The following FBN3 variants were observed in gnomAD, a reference collection of about 807,000 sequenced individuals.
FBN3 encodes the protein fibrillin-3.
FBN3 carries 234 observed loss-of-function variants against 330.1 expected under a neutral mutation model. That is an observed-to-expected ratio of 0.71 (90% confidence interval 0.64 to 0.79). The LOEUF is 0.79. Ranked by LOEUF, FBN3 falls within the 30% of genes least tolerant of loss-of-function variation. The pLI is 0.00. For synonymous variants in FBN3, 1,458 were observed against 1,517.3 expected (o/e 0.96, Z 0.91); for missense variants, 3,606 against 3,886.9 (o/e 0.93, Z 1.92).
At chr19:8,146,438 T>A (rs1410678522) in intron 3 of FBN3, among the ~76,000 whole-genome samples, 1 of 152,156 alleles carries the variant, frequency 6.6e-6, no homozygotes, top group Non-Finnish European at 1.5e-5. Context: ...GGCTGTGGGT[T>A]GGGGACTCTG....
chr19:8,135,936 G>GCCTCCCCC, intron 13 of FBN3, 25 bp downstream of exon 13: 1 of 668,778 alleles, frequency 1.5e-6, no homozygotes, highest in South Asian at 1.6e-5. Flanking sequence ...GGAAGCCCCT[G>GCCTCCCCC]CCCACCCGCC....
chr19:8,117,425 G>A, intron 27 of FBN3, 39 bp downstream of exon 27: 1 of 1,557,022 alleles, frequency 6.4e-7, no homozygotes, highest in African/African-American at 1.4e-5. Context: ...CTGGGACTGT[G>A]GTTGGTGCCC....
intron 48 of FBN3, among the ~76,000 whole-genome samples, chr19:8,090,720 G>T (rs1209974782): frequency 6.6e-6 from 1 of 151,910 alleles, no homozygotes; most frequent in Non-Finnish European, 1.5e-5. Flanking sequence ...CTGACCTCAG[G>T]TGATCAGCCT....
At chr19:8,089,519 G>GTCC (rs758699639) in intron 51 of FBN3, 26 bp downstream of exon 51, 2 of 1,613,530 alleles carry the variant, frequency 1.2e-6, no homozygotes. Flanking sequence ...GCCTGGGACA[G>GTCC]AGCTGGGGAA....
At chr19:8,076,402 G>C (rs1253863476) in intron 59 of FBN3, among the ~76,000 whole-genome samples, 2 of 152,044 alleles carry the variant, frequency 1.3e-5, no homozygotes, top group South Asian at 4.1e-4. Flanking sequence ...GGAGGCCTAG[G>C]GAGCCTCCGG....
At chr19:8,148,894 T>C (rs3813770) in intron 1 of FBN3, 63,970 of 152,278 alleles carry the variant, frequency 0.42, 15,305 homozygotes, top group African/African-American at 0.66. Context: ...GCCTCGGGGC[T>C]TGCAAGCCCT....
chr19:8,116,620 G>A, intron 29 of FBN3, 54 bp downstream of exon 29: 5 of 1,567,862 alleles, frequency 3.2e-6, no homozygotes, highest in Non-Finnish European at 3.5e-6. Flanking sequence ...CCTGGTGTGT[G>A]AATTCTGACA....
intron 38 of FBN3, among the ~76,000 whole-genome samples, 180 bp downstream of exon 38, chr19:8,105,928 C>T (rs1443364332): frequency 6.6e-6 from 1 of 152,210 alleles, no homozygotes; most frequent in Non-Finnish European, 1.5e-5. Context: ...AGATCCACAG[C>T]AGCCATGAAC....
In FBN3 at chr19:8,096,188, C is replaced by T. The variant is rs74609770; in HGVS notation, c.5540-108G>A. 1.5e-4 allele frequency: 139 copies of T among 936,900 alleles called. No homozygotes were observed. In the East Asian group the frequency reaches 3.1e-3, roughly 21 times the overall value. The allele number at this position is 936,900 out of a possible 1,614,324, so 58.0% of individuals were successfully genotyped here. A position where few individuals can be genotyped will look rare whatever the true frequency, so the allele number is the denominator to read the frequency against. ...CACTCCTCCCCTGCACCTAGCCCTG[C>T]CTAGATGACTGGGCAGTGACCCCTG... On this transcript the variant is annotated intron_variant, in intron 44 of 63. Coordinates refer to ENST00000600128, the MANE Select transcript of FBN3 (RefSeq NM_032447.5). This position sits in a 1 kb window ranked among gnomAD's most constrained non-coding sequence, Gnocchi z 4.6.
intron 25 of FBN3, among the ~76,000 whole-genome samples, chr19:8,120,165 C>CTTTTTT (rs34799960): frequency 7.0e-5 from 9 of 127,916 alleles, no homozygotes; most frequent in East Asian, 2.2e-4. Context: ...TTCTTTCTTT[C>CTTTTTT]TTTTTTTTTT....
At chr19:8,083,158 G>T in intron 57 of FBN3, 89 bp downstream of exon 57, 1 of 1,500,638 alleles carries the variant, frequency 6.7e-7, no homozygotes, top group Non-Finnish European at 9.2e-7. Context: ...ACATTGCAAA[G>T]TGGAAAGTCT....
intron 41 of FBN3, among the ~76,000 whole-genome samples, chr19:8,098,772 CAATA>C (rs1332330552): frequency 6.6e-6 from 1 of 152,036 alleles, no homozygotes; most frequent in Non-Finnish European, 1.5e-5. Context: ...AATTATCTCT[CAATA>C]AAACTGTTAT....
At chr19:8,106,673 A>G (rs1568403266) in intron 37 of FBN3, among the ~76,000 whole-genome samples, 1 of 151,988 alleles carries the variant, frequency 6.6e-6, no homozygotes, top group Non-Finnish European at 1.5e-5. Context: ...GAGTGGATGG[A>G]TAGGAAGGTG....
At chr19:8,118,826 T>C in intron 26 of FBN3, 71 bp downstream of exon 26, 1 of 1,554,036 alleles carries the variant, frequency 6.4e-7, no homozygotes, top group South Asian at 1.2e-5. Context: ...CAGCCCACAT[T>C]CACCAGACAT....
chr19:8,112,102 A>G lies in FBN3; in HGVS notation c.3839-3T>C. On this transcript the variant is annotated splice_region_variant and splice_polypyrimidine_tract_variant and intron_variant, in intron 30 of 63. Transcript: ENST00000600128. Reference sequence around the variant, plus strand: ...TCCAACCTCGCATTCATCCACATCTAAAGGGAGAGGAGGCACGACGCCAAG... The same window carrying G: ...TCCAACCTCGCATTCATCCACATCTGAAGGGAGAGGAGGCACGACGCCAAG... 1.2e-6 allele frequency: 2 copies of G among 1,610,178 alleles called. No homozygotes were observed. The highest frequency in any genetic ancestry group is 2.2e-5 in the East Asian group (1 of 44,642).
At chr19:8,088,852 CGAGTGAAT>C (rs777632997) in intron 51 of FBN3, among the ~76,000 whole-genome samples, 10 of 151,058 alleles carry the variant, frequency 6.6e-5, no homozygotes, top group African/African-American at 1.5e-4. Context: ...AGGGAGCAAA[CGAGTGAAT>C]GAGTGAATGA....
intron 37 of FBN3, among the ~76,000 whole-genome samples, chr19:8,107,776 G>A (rs1325431439): frequency 6.8e-6 from 1 of 147,474 alleles, no homozygotes; most frequent in Admixed American, 6.9e-5. Context: ...AAGGATGTAT[G>A]GATGTACTGG....
In FBN3 at chr19:8,142,165, G is replaced by C. The variant is rs371315915; in HGVS notation, c.542-28C>G. 5.8e-6 allele frequency: 9 copies of C among 1,564,596 alleles called. No homozygotes were observed. The African/African-American group carries it at 9.5e-5, about 16-fold the overall frequency. ...GCAGGGCAGACAGATGTGGGTACCTGGCTGAGGGCTGCCCCTGTCTGGAGA... is the reference window on the plus strand; with the variant it reads ...GCAGGGCAGACAGATGTGGGTACCTCGCTGAGGGCTGCCCCTGTCTGGAGA... On this transcript the variant is annotated intron_variant, in intron 6 of 63. Coordinates refer to ENST00000600128, the MANE Select transcript of FBN3 (RefSeq NM_032447.5).
At chr19:8,081,952 C>T (rs938008146) in intron 57 of FBN3, among the ~76,000 whole-genome samples, 5 of 151,872 alleles carry the variant, frequency 3.3e-5, no homozygotes, top group African/African-American at 1.2e-4. Flanking sequence ...CCCTCCCTCC[C>T]TCCCTTCCTT....
Sources: allele counts gnomAD v4.1 joint callset (sites outside exome capture counted in the v4.1 genomes callset), GRCh38; gene constraint gnomAD v4.1.1; non-coding constraint Gnocchi (gnomAD v3.1); transcripts MANE v1.5; gene names NCBI Gene and HGNC (gene_info 2026-07-23, HGNC 2026-07-21).